MMP26: variants seen among roughly 807,000 people sequenced by gnomAD.
The protein encoded by MMP26 is matrix metallopeptidase 26.
In MMP26, 33 loss-of-function variants were observed where a neutral mutation model predicts 31.0. The ratio of observed to expected loss-of-function variants is 1.06; its 90% CI spans 0.81 to 1.42. MMP26 has a LOEUF of 1.42. Ranked by LOEUF, MMP26 falls within the 40% of genes most tolerant of loss-of-function variation. The pLI is 0.00. For missense variants in MMP26, 347 were observed against 316.1 expected (o/e 1.10, Z -0.74); for synonymous variants, 122 against 114.9 (o/e 1.06, Z -0.40).
At chr11:4,991,876 C>T in intron 6 of MMP26, 88 bp from the exon 7 acceptor site, 2 of 1,224,432 alleles carry the variant, frequency 1.6e-6, no homozygotes, top group Non-Finnish European at 2.2e-6. Flanking sequence ...GTTTTCTGTT[C>T]TCTCCTTTTT....
At chr11:4,813,417 T>C (rs190218202) in intron 2 of MMP26, among the ~76,000 whole-genome samples, 12 of 152,140 alleles carry the variant, frequency 7.9e-5, no homozygotes, top group Admixed American at 7.2e-4. Context: ...AGAGATGGGG[T>C]CTTGCTATGT....
chr11:4,846,578 A>G (rs1271860505), intron 2 of MMP26, among the ~76,000 whole-genome samples: 1 of 152,222 alleles, frequency 6.6e-6, no homozygotes, highest in Non-Finnish European at 1.5e-5. Context: ...TATAACACAG[A>G]GGATAACTGC....
intron 2 of MMP26, among the ~76,000 whole-genome samples, chr11:4,903,628 A>G (rs1181558265): frequency 6.6e-6 from 1 of 152,098 alleles, no homozygotes; most frequent in African/African-American, 2.4e-5. Context: ...AGGTACAATG[A>G]ATACAAAGTA....
At chr11:4,842,172 GA>G (rs1376421815) in intron 2 of MMP26, among the ~76,000 whole-genome samples, 4 of 152,070 alleles carry the variant, frequency 2.6e-5, no homozygotes, top group African/African-American at 7.2e-5. Context: ...GGTATAAACA[GA>G]AAAAAATATT....
intron 2 of MMP26, chr11:4,794,956 A>G (rs2133446009): frequency 6.6e-6 from 1 of 152,364 alleles, no homozygotes; most frequent in Non-Finnish European, 1.5e-5. Context: ...GAACACCTCT[A>G]CTGTCCAGAT....
rs61880577 is a variant in MMP26, at chr11:4,866,837, G to T, written c.-145+99496G>T. ...TGACAAAAATAAGCAATGGGGAAAT[G>T]ATTCCCTATTTAATAAATGGTGCTG... On this transcript the variant is annotated intron_variant, in intron 2 of 7. Coordinates refer to ENST00000380390, the MANE Select transcript of MMP26 (RefSeq NM_021801.5). 3.6e-3 allele frequency among the ~76,000 whole-genome samples: 546 copies of T among 152,236 alleles called. 2 individuals carry two copies. The highest frequency in any genetic ancestry group is 0.017 in the Middle Eastern group (5 of 294).
chr11:4,748,591 A>C (rs1209586867), intron 1 of MMP26, among the ~76,000 whole-genome samples: 2 of 150,106 alleles, frequency 1.3e-5, no homozygotes, highest in Admixed American at 6.6e-5. Context: ...AAAAAAAAAA[A>C]CACAACAATG....
chr11:4,821,198 G>GCA (rs1300820918), intron 2 of MMP26: 3 of 558,998 alleles, frequency 5.4e-6, no homozygotes, highest in Middle Eastern at 9.7e-4. Flanking sequence ...ATTTGATGTG[G>GCA]CACAGTTCAG....
At chr11:4,862,579 G>T (rs928532832) in intron 2 of MMP26, among the ~76,000 whole-genome samples, 5 of 152,092 alleles carry the variant, frequency 3.3e-5, no homozygotes, top group Non-Finnish European at 7.4e-5. Flanking sequence ...TGGTGTCTTT[G>T]TTCTCACCTA....
rs745401517 is a variant in MMP26 at position 4,991,364 on chromosome 11, T to C, written c.470-7T>C. 2 of 1,611,824 alleles carry C rather than the reference T, an allele frequency of 1.2e-6. No individual in the cohort carries two copies. Among genetic ancestry groups the C allele is most frequent in the Non-Finnish European group, 1.7e-6 (2 of 1,178,570 alleles). ...CTCATTGTGATCATAGCTTCTGTCG[T>C]CCACAGCCCATGAAGATGGTTGGCC... On this transcript the variant is annotated splice_polypyrimidine_tract_variant and splice_region_variant and intron_variant, in intron 5 of 7. Coordinates refer to ENST00000380390, the MANE Select transcript of MMP26 (RefSeq NM_021801.5).
chr11:4,889,020 A>C (rs1418139681), intron 2 of MMP26, among the ~76,000 whole-genome samples: 2 of 152,176 alleles, frequency 1.3e-5, no homozygotes, highest in East Asian at 3.9e-4. Context: ...CTGTGTAACT[A>C]AAATGCTGTA....
intron 1 of MMP26, among the ~76,000 whole-genome samples, chr11:4,721,063 T>A (rs980011615): frequency 6.6e-6 from 1 of 152,196 alleles, no homozygotes; most frequent in Non-Finnish European, 1.5e-5. Flanking sequence ...TCCGGTGTCC[T>A]AGCCTCCCCC....
In MMP26 at chr11:4,769,090, T is replaced by C. The variant is rs756528924; in HGVS notation, c.-145+1749T>C. On this transcript the variant is annotated intron_variant, in intron 2 of 7. Coordinates refer to ENST00000380390, the MANE Select transcript of MMP26 (RefSeq NM_021801.5). ...AAAGCAGGTATACATTAGCCATCAC[T>C]GAATGGACTACTCTGGGGGCTGACC... 9 of 1,588,294 alleles carry C rather than the reference T, an allele frequency of 5.7e-6. No individual in the cohort carries two copies. The Admixed American group carries it at 6.8e-5, about 12-fold the overall frequency.
intron 2 of MMP26, among the ~76,000 whole-genome samples, chr11:4,894,219 T>C (rs1325549388): frequency 1.3e-5 from 2 of 152,138 alleles, no homozygotes; most frequent in Non-Finnish European, 2.9e-5. Flanking sequence ...GTTTTATATC[T>C]GCTATTTCAT....
intron 2 of MMP26, among the ~76,000 whole-genome samples, chr11:4,817,793 A>G (rs1053962728): frequency 2.6e-5 from 4 of 152,178 alleles, no homozygotes; most frequent in African/African-American, 9.7e-5. Context: ...TCAAGTCCCA[A>G]GGGTCTCTTG....
chr11:4,834,849 C>T (rs1849694384), intron 2 of MMP26, among the ~76,000 whole-genome samples: 1 of 151,970 alleles, frequency 6.6e-6, no homozygotes, highest in Admixed American at 6.6e-5. Context: ...TCAATATGGT[C>T]TTCAGACAGG....
intron 2 of MMP26, among the ~76,000 whole-genome samples, chr11:4,855,730 T>C (rs1850041522): frequency 6.6e-6 from 1 of 152,006 alleles, no homozygotes; most frequent in South Asian, 2.1e-4. Context: ...AACGCCACAA[T>C]GATACTCCTC....
intron 2 of MMP26, among the ~76,000 whole-genome samples, chr11:4,797,991 G>T (rs11607628): frequency 0.019 from 2,948 of 152,330 alleles, 51 homozygotes; most frequent in South Asian, 0.07. Context: ...CTACAAAGTG[G>T]AATTGGATGA....
intron 2 of MMP26, chr11:4,804,295 C>T: frequency 6.2e-7 from 1 of 1,614,012 alleles, no homozygotes. Flanking sequence ...AAAGGCAATC[C>T]ACAACTGGAA....
Sources: allele counts gnomAD v4.1 joint callset (sites outside exome capture counted in the v4.1 genomes callset), GRCh38; gene constraint gnomAD v4.1.1; transcripts MANE v1.5; gene names NCBI Gene and HGNC (gene_info 2026-07-23, HGNC 2026-07-21).